Variants in CALCRL observed in about 807,000 individuals in gnomAD.
CALCRL encodes the protein calcitonin gene-related peptide type 1 receptor.
CALCRL carries 27 observed loss-of-function variants against 60.4 expected under a neutral mutation model. The ratio of observed to expected loss-of-function variants is 0.45; its 90% confidence interval spans 0.33 to 0.62. The LOEUF (loss-of-function observed/expected upper bound fraction) is 0.62, where lower values mean the gene tolerates loss of function less well. CALCRL is among the 20% of genes least tolerant of loss of function. The pLI is 0.03. For synonymous variants in CALCRL, 190 were observed against 182.6 expected (o/e 1.04, Z -0.33); for missense variants, 424 against 540.7 (o/e 0.78, Z 2.14).
chr2:187,350,582 AATAAT>A (rs1287590492), intron 14 of CALCRL, among the ~76,000 whole-genome samples: 1 of 151,052 alleles, frequency 6.6e-6, no homozygotes, highest in African/African-American at 2.4e-5. Flanking sequence ...GATAAATAAT[AATAAT>A]ATAAATAAAT....
chr2:187,416,012 G>A (rs548266737), intron 1 of CALCRL, among the ~76,000 whole-genome samples: 32 of 152,104 alleles, frequency 2.1e-4, no homozygotes, highest in African/African-American at 5.3e-4. Flanking sequence ...GCCTGACCTC[G>A]TCATGTACCA....
chr2:187,399,853 A>C (rs1294301782), intron 1 of CALCRL, among the ~76,000 whole-genome samples: 1 of 151,528 alleles, frequency 6.6e-6, no homozygotes, highest in Non-Finnish European at 1.5e-5. Context: ...GAAAAGAAAG[A>C]TGAATACTGT....
chr2:187,353,878 T>A (rs1293317739), intron 12 of CALCRL, among the ~76,000 whole-genome samples: 2 of 151,950 alleles, frequency 1.3e-5, no homozygotes, highest in African/African-American at 2.4e-5. Flanking sequence ...TATATGAAAA[T>A]TTTTAAATGC....
rs1486659949 is a variant in CALCRL at position 187,385,547 on chromosome 2, TA to T, written c.48del (p.Phe16LeufsTer2). ...TLYFLVLLPF[F>X]MILVTAELEE... ...ATCATATATATTTTTATGCTTACCA[TA>T]AAAAAAGGCAAGAGAACCAGAAAAT... is the stretch of plus-strand genomic sequence containing the variant. On this transcript the variant is annotated frameshift_variant, in exon 4 of 15. Transcript: ENST00000392370. LOFTEE classifies it high-confidence loss of function. The T allele has an allele frequency of 2.8e-5, 41 of 1,446,618 alleles. No homozygotes were observed. The highest frequency in any genetic ancestry group is 5.6e-5 in the Admixed American group (3 of 53,570). 89.6% of individuals were successfully genotyped at this position (1,446,618 alleles called of 1,614,324 possible). A position where few individuals can be genotyped will look rare whatever the true frequency, so the allele number is the denominator to read the frequency against.
chr2:187,353,821 A>C (rs1686647831), intron 12 of CALCRL, among the ~76,000 whole-genome samples: 1 of 152,016 alleles, frequency 6.6e-6, no homozygotes, highest in African/African-American at 2.4e-5. Flanking sequence ...ATTAAATCAT[A>C]AACTATAAAA....
At chr2:187,407,316 C>G (rs1168751997) in intron 1 of CALCRL, among the ~76,000 whole-genome samples, 1 of 152,004 alleles carries the variant, frequency 6.6e-6, no homozygotes, top group African/African-American at 2.4e-5. Context: ...AGTCTGATCA[C>G]AGTAAAACCC....
intron 1 of CALCRL, among the ~76,000 whole-genome samples, chr2:187,425,858 A>T (rs1285972373): frequency 6.6e-6 from 1 of 151,954 alleles, no homozygotes; most frequent in East Asian, 1.9e-4. Context: ...GACATTCTAA[A>T]CTATAACTGT....
chr2:187,396,556 A>G (rs1688661715), intron 1 of CALCRL, among the ~76,000 whole-genome samples: 1 of 151,880 alleles, frequency 6.6e-6, no homozygotes, highest in Non-Finnish European at 1.5e-5. Flanking sequence ...AACAGAAATT[A>G]TAAGACACAT....
At chr2:187,418,255 ATTC>A (rs1484199254) in intron 1 of CALCRL, among the ~76,000 whole-genome samples, 2 of 152,172 alleles carry the variant, frequency 1.3e-5, no homozygotes, top group South Asian at 2.1e-4. Context: ...TTCAAAAGTT[ATTC>A]TTCACACCTA....
rs528283877 is a variant in CALCRL at position 187,357,719 on chromosome 2, G to A, written c.909+1344C>T. On this transcript the variant is annotated intron_variant, in intron 12 of 14. Coordinates refer to ENST00000392370, the MANE Select transcript of CALCRL (RefSeq NM_005795.6). Reference sequence around the variant, plus strand: ...TAGATGACGAGTTAGTGGGTGCAGCGCACCAGCATGGCACATGTATACATA... The same window carrying A: ...TAGATGACGAGTTAGTGGGTGCAGCACACCAGCATGGCACATGTATACATA... 2.1e-4 allele frequency among the ~76,000 whole-genome samples: 31 copies of A among 151,084 alleles called. 1 individual carries two copies. The highest frequency in any genetic ancestry group is 8.4e-4 in the South Asian group (4 of 4,748).
At chr2:187,366,671 G>C (rs1687308107) in intron 8 of CALCRL, among the ~76,000 whole-genome samples, 1 of 151,964 alleles carries the variant, frequency 6.6e-6, no homozygotes, top group African/African-American at 2.4e-5. Context: ...TGAAAAGATT[G>C]GAAGGGAGTA....
At chr2:187,354,750 A>G (rs1001844742) in intron 12 of CALCRL, among the ~76,000 whole-genome samples, 3 of 152,024 alleles carry the variant, frequency 2.0e-5, no homozygotes, top group Non-Finnish European at 2.9e-5. Context: ...GATGGGCTAT[A>G]TTCCTGTATT....
intron 1 of CALCRL, among the ~76,000 whole-genome samples, chr2:187,446,882 T>G (rs1234599910): frequency 2.0e-5 from 3 of 151,968 alleles, no homozygotes. Context: ...CTATTATTAA[T>G]GTGCCAGATA....
At chr2:187,374,290 G>T (rs1291463224) in intron 8 of CALCRL, among the ~76,000 whole-genome samples, 1 of 152,024 alleles carries the variant, frequency 6.6e-6, no homozygotes, top group Non-Finnish European at 1.5e-5. Flanking sequence ...TTTACCTAAG[G>T]CCTGAGAATG....
chr2:187,420,780 T>C (rs1409005442), intron 1 of CALCRL, among the ~76,000 whole-genome samples: 1 of 152,162 alleles, frequency 6.6e-6, no homozygotes, highest in Middle Eastern at 3.2e-3. Flanking sequence ...AGTCTTGGTT[T>C]ATTGATACAC....
At chr2:187,441,188 G>T (rs1009579564) in intron 1 of CALCRL, among the ~76,000 whole-genome samples, 2 of 151,918 alleles carry the variant, frequency 1.3e-5, no homozygotes, top group African/African-American at 4.8e-5. Flanking sequence ...ATAAAATTGC[G>T]AACACAGTGA....
chr2:187,386,784 A>C (rs1216874307), intron 3 of CALCRL, among the ~76,000 whole-genome samples: 1 of 152,078 alleles, frequency 6.6e-6, no homozygotes, highest in Non-Finnish European at 1.5e-5. Flanking sequence ...TGTGGGAGGG[A>C]CCCAGTGGGA....
chr2:187,382,300 A>C (rs1390006949), intron 5 of CALCRL, among the ~76,000 whole-genome samples: 1 of 152,206 alleles, frequency 6.6e-6, no homozygotes, highest in Non-Finnish European at 1.5e-5. Context: ...TTAAAATTAC[A>C]AAGTACATTA....
At chr2:187,416,970 C>T (rs1223610607) in intron 1 of CALCRL, among the ~76,000 whole-genome samples, 3 of 151,962 alleles carry the variant, frequency 2.0e-5, no homozygotes, top group African/African-American at 7.2e-5. Context: ...CACTAAATAT[C>T]CTTTGAGTAA....
Sources: gnomAD v4.1 joint callset for allele counts (sites outside exome capture counted in the v4.1 genomes callset) on GRCh38, gnomAD v4.1.1 for gene constraint, MANE v1.5 for transcripts, NCBI Gene and HGNC (gene_info 2026-07-23, HGNC 2026-07-21) for gene names.